MAT2B: variants seen among roughly 807,000 people sequenced by gnomAD.
MAT2B encodes the protein methionine adenosyltransferase 2 subunit beta.
A neutral mutation model predicts 36.1 loss-of-function variants in MAT2B; 16 were observed. That is an observed-to-expected ratio of 0.44 (90% CI 0.30 to 0.67). The LOEUF is 0.67. Ranked by LOEUF, MAT2B falls within the 30% of genes least tolerant of loss-of-function variation. MAT2B has a pLI of 0.09. For missense variants in MAT2B, 332 were observed against 398.2 expected (o/e 0.83, Z 1.42); for synonymous variants, 148 against 136.9 (o/e 1.08, Z -0.57).
chr5:163,505,795 A>C (rs1034790776), intron 1 of MAT2B, 46 bp downstream of exon 1: 3 of 1,242,596 alleles, frequency 2.4e-6, no homozygotes, highest in Non-Finnish European at 3.1e-6. Flanking sequence ...GGGGGCGCCG[A>C]GGGGGACGAG....
At chr5:163,513,041 G>A (rs12515448) in intron 2 of MAT2B, 77,839 of 187,634 alleles carry the variant, frequency 0.41, 18,594 homozygotes, top group East Asian at 0.75. Flanking sequence ...GGTGAAGTAC[G>A]GTAGATCGAT....
chr5:163,517,702 G>C, intron 6 of MAT2B, 28 bp downstream of exon 6: 1 of 1,351,356 alleles, frequency 7.4e-7, no homozygotes, highest in Non-Finnish European at 1.1e-6. Context: ...AAAACCTTTA[G>C]ATCCATTGCT....
rs115200203 is a variant in MAT2B, at chr5:163,510,273, A to C, written c.64-1729A>C. Among the ~76,000 whole-genome samples the C allele has an allele frequency of 3.3e-3, 495 of 152,182 alleles. 5 individuals carry two copies. Among genetic ancestry groups the C allele is most frequent in the African/African-American group, 0.011 (471 of 41,510 alleles). On this transcript the variant is annotated intron_variant, in intron 1 of 6. Transcript: ENST00000321757. ...AACTATGCTTGGAAACATAGAATTT[A>C]AATTTTTTCCTAAATAGTGGTTCTT...
chr5:163,511,426 C>A (rs1242096689), intron 1 of MAT2B, among the ~76,000 whole-genome samples: 2 of 143,850 alleles, frequency 1.4e-5, no homozygotes, highest in East Asian at 2.1e-4. Flanking sequence ...ACCTGTAGCT[C>A]AGCTAATTTT....
At chr5:163,503,292 C>G, upstream of MAT2B, 1 of 994,286 alleles carries the variant, frequency 1.0e-6, no homozygotes, top group Non-Finnish European at 1.6e-6. Flanking sequence ...CACGTTTTGG[C>G]GTGCCTGCGC....
Position 163,518,537 on chromosome 5 carries a change from A to AC in MAT2B, c.*174_*175insC. 5 of 484,038 alleles carry AC rather than the reference A, an allele frequency of 1.0e-5. No individual in the cohort carries two copies. Among genetic ancestry groups the AC allele is most frequent in the Non-Finnish European group, 1.0e-5 (3 of 285,936 alleles). The allele number at this position is 484,038 out of a possible 1,614,324, so 30.0% of individuals were successfully genotyped here. On this transcript the variant is annotated 3_prime_UTR_variant, in exon 7 of 7. Transcript: ENST00000321757. ...TGTCTAAAGAAACTAAAGGGCAGTC[A>AC]TGCCCTGTTTGCAGTAATTTTTCTT...
Position 163,515,021 on chromosome 5 carries a change from AGAG to A in MAT2B, c.526+1028_526+1030del, listed in dbSNP as rs989499095. 5.9e-5 allele frequency among the ~76,000 whole-genome samples: 9 copies of A among 152,170 alleles called. No homozygotes were observed. The South Asian group carries it at 1.2e-3, about 21-fold the overall frequency. ...AGGAATGCTGTGTTCTCACGGCAGAAGAGCAGAAAGGGATGTGCTTCTTCCTTC... is the reference window on the plus strand; with the variant it reads ...AGGAATGCTGTGTTCTCACGGCAGAACAGAAAGGGATGTGCTTCTTCCTTC... On this transcript the variant is annotated intron_variant, in intron 4 of 6. Transcript: ENST00000321757.
chr5:163,503,183 G>C (rs182400121), upstream of MAT2B: 27 of 505,420 alleles, frequency 5.3e-5, no homozygotes, highest in Admixed American at 4.9e-4. Context: ...AGACTACTAC[G>C]GGGAATCAGC....
At chr5:163,507,224 T>C (rs533616796) in intron 1 of MAT2B, among the ~76,000 whole-genome samples, 6 of 152,244 alleles carry the variant, frequency 3.9e-5, no homozygotes, top group Non-Finnish European at 7.3e-5. Context: ...TCTTTACTTT[T>C]CTAGAACATT....
rs1456682625 is a variant in MAT2B, at chr5:163,505,623, C to A, written c.-64C>A. The A allele has an allele frequency of 4.8e-6, 6 of 1,250,630 alleles. No homozygotes were observed. Among genetic ancestry groups the A allele is most frequent in the Non-Finnish European group, 6.1e-6 (6 of 989,098 alleles). The allele number at this position is 1,250,630 out of a possible 1,614,324, so 77.5% of individuals were successfully genotyped here. ...CGGGCCGAGGGCGTCTGAGCTGAGG[C>A]CCGCGTCGATCCTGGGTTGGAGGAG... On this transcript the variant is annotated 5_prime_UTR_variant, in exon 1 of 7. Coordinates refer to ENST00000321757, the MANE Select transcript of MAT2B (RefSeq NM_013283.5).
Position 163,518,397 on chromosome 5 carries a change from T to G in MAT2B, c.*34T>G, listed in dbSNP as rs962472568. The G allele has an allele frequency of 1.9e-6, 3 of 1,558,986 alleles. No homozygotes were observed. In the East Asian group the frequency reaches 6.7e-5, roughly 35 times the overall value. ...TGTTGGGTTCTTTTTTTTTTTTAAA[T>G]GAAAAGTATAGTATGTGGCACTTTT... On this transcript the variant is annotated 3_prime_UTR_variant, in exon 7 of 7. Transcript: ENST00000321757.
chr5:163,504,529 A>G (rs1263623700), upstream of MAT2B, among the ~76,000 whole-genome samples: 1 of 152,202 alleles, frequency 6.6e-6, no homozygotes, highest in African/African-American at 2.4e-5. Flanking sequence ...AAGGTTTAGG[A>G]GTCGGGGAAA....
At chr5:163,510,484 C>T (rs1367087040) in intron 1 of MAT2B, among the ~76,000 whole-genome samples, 1 of 151,288 alleles carries the variant, frequency 6.6e-6, no homozygotes, top group African/African-American at 2.4e-5. Context: ...CAACCTCCGC[C>T]TCCTGGGTTC....
At chr5:163,505,991 G>T (rs1427385233) in intron 1 of MAT2B, among the ~76,000 whole-genome samples, 1 of 152,138 alleles carries the variant, frequency 6.6e-6, no homozygotes, top group Non-Finnish European at 1.5e-5. Flanking sequence ...AGTAGGTGGA[G>T]GTTTTACTTT....
Position 163,518,425 on chromosome 5 carries a change from A to C in MAT2B, c.*62A>C, listed in dbSNP as rs926464046. The C allele has an allele frequency of 1.4e-6, 2 of 1,402,690 alleles. No individual in the cohort carries two copies. Among genetic ancestry groups the C allele is most frequent in the Admixed American group, 2.2e-5 (1 of 44,548 alleles). The allele number at this position is 1,402,690 out of a possible 1,614,324, so 86.9% of individuals were successfully genotyped here. The stretch of plus-strand genomic sequence containing the variant: ...AAAGTATAGTATGTGGCACTTTTTA[A>C]AGAACAAAGGAAATAGTTTTGTATG... On this transcript the variant is annotated 3_prime_UTR_variant, in exon 7 of 7. Coordinates refer to ENST00000321757, the MANE Select transcript of MAT2B (RefSeq NM_013283.5).
At chr5:163,505,565 C>T, upstream of MAT2B, 2 of 1,245,552 alleles carry the variant, frequency 1.6e-6, no homozygotes, top group Non-Finnish European at 2.0e-6. Context: ...AAGCCGGAAG[C>T]GGCGAGCGGG....
At chr5:163,510,049 A>G (rs771597182) in intron 1 of MAT2B, among the ~76,000 whole-genome samples, 1 of 152,202 alleles carries the variant, frequency 6.6e-6, no homozygotes, top group African/African-American at 2.4e-5. Flanking sequence ...CGGCTAAGTA[A>G]TTTAATTGAG....
chr5:163,504,992 A>G (rs910500807), upstream of MAT2B, among the ~76,000 whole-genome samples: 3 of 151,852 alleles, frequency 2.0e-5, no homozygotes, highest in Non-Finnish European at 4.4e-5. Flanking sequence ...TTGAAGAGGT[A>G]CCTAAGTAGT....
intron 2 of MAT2B, chr5:163,512,856 T>C: frequency 3.2e-6 from 1 of 311,866 alleles, no homozygotes; most frequent in Non-Finnish European, 6.3e-6. Flanking sequence ...AATTGTTGTA[T>C]TTCTAGTAGA....
Sources: gnomAD v4.1 joint callset for allele counts (sites outside exome capture counted in the v4.1 genomes callset) on GRCh38, gnomAD v4.1.1 for gene constraint, MANE v1.5 for transcripts, NCBI Gene and HGNC (gene_info 2026-07-23, HGNC 2026-07-21) for gene names.